BRAF: variants seen among roughly 807,000 people sequenced by gnomAD.
The protein encoded by BRAF is B-Raf proto-oncogene, serine/threonine kinase, also known as serine/threonine-protein kinase B-raf.
A neutral mutation model predicts 104.6 loss-of-function variants in BRAF; 16 were observed. The ratio of observed to expected loss-of-function variants is 0.15; its 90% CI spans 0.10 to 0.23. The LOEUF is 0.23. BRAF is among the 10% of genes least tolerant of loss of function. The probability of loss-of-function intolerance (pLI) is 1.00; values close to 1 mark genes in which losing one functional copy is unlikely to be tolerated. For synonymous variants in BRAF, 310 were observed against 341.6 expected (o/e 0.91, Z 1.02); for missense variants, 541 against 937.3 (o/e 0.58, Z 5.52).
chr7:140,725,154 C>T lies in BRAF; in HGVS notation c.*1340G>A. 1.9e-6 allele frequency: 2 copies of T among 1,042,602 alleles called. No individual in the cohort carries two copies. The highest frequency in any genetic ancestry group is 1.7e-5 in the African/African-American group (1 of 59,896). 64.6% of individuals were successfully genotyped at this position (1,042,602 alleles called of 1,614,324 possible). A position where few individuals can be genotyped will look rare whatever the true frequency, so the allele number is the denominator to read the frequency against. ...AGAAGGAGAATGAATGGAGACGCCA[C>T]CATTTTTATTTTAGGTTGCATATTC... On this transcript the variant is annotated 3_prime_UTR_variant, in exon 20 of 20. Transcript: ENST00000644969.
chr7:140,880,090 C>T (rs1044655707), intron 1 of BRAF, among the ~76,000 whole-genome samples: 4 of 152,096 alleles, frequency 2.6e-5, no homozygotes, highest in African/African-American at 9.7e-5. Flanking sequence ...CTTTTTTTCA[C>T]AAAAGATTTC....
chr7:140,882,651 T>C (rs190433436), intron 1 of BRAF, among the ~76,000 whole-genome samples: 2,299 of 151,656 alleles, frequency 0.015, 29 homozygotes, highest in Middle Eastern at 0.034. Context: ...GTGCTGGGAT[T>C]ACAGGCATGA....
intron 1 of BRAF, among the ~76,000 whole-genome samples, chr7:140,875,535 C>T (rs1170088850): frequency 6.6e-6 from 1 of 152,162 alleles, no homozygotes; most frequent in South Asian, 2.1e-4. Context: ...GCGAACACGC[C>T]TGGCTAAGTT....
chr7:140,734,302 AC>A, intron 19 of BRAF: 3 of 1,243,684 alleles, frequency 2.4e-6, no homozygotes, highest in Non-Finnish European at 3.0e-6. Context: ...GAAGTTTACT[AC>A]TTAAAATAAC....
At chr7:140,864,824 G>A (rs984013085) in intron 1 of BRAF, among the ~76,000 whole-genome samples, 9 of 152,102 alleles carry the variant, frequency 5.9e-5, no homozygotes, top group Non-Finnish European at 1.3e-4. Context: ...TTTAATCGAG[G>A]GGAGAAGAAT....
At chr7:140,737,159 TTTCTTATTATAGTAAACA>T (rs1283280504) in intron 18 of BRAF, among the ~76,000 whole-genome samples, 2 of 152,244 alleles carry the variant, frequency 1.3e-5, no homozygotes. Flanking sequence ...TTAATGTCTT[TTTCTTATTATAGTAAACA>T]TTCTTATATA....
intron 16 of BRAF, among the ~76,000 whole-genome samples, chr7:140,750,020 G>T (rs1290872838): frequency 1.3e-5 from 2 of 152,126 alleles, no homozygotes; most frequent in African/African-American, 4.8e-5. Flanking sequence ...GTAAAAGATG[G>T]TATAAAGAAT....
chr7:140,742,969 A>G (rs1318942695), intron 17 of BRAF, among the ~76,000 whole-genome samples: 2 of 152,196 alleles, frequency 1.3e-5, no homozygotes, highest in African/African-American at 2.4e-5. Context: ...AACACATGAA[A>G]AAATGCTCAC....
Position 140,794,411 on chromosome 7 carries a change from A to G in BRAF, c.1037T>C (p.Phe346Ser). 2 of 1,613,972 alleles carry G rather than the reference A, an allele frequency of 1.2e-6. No homozygotes were observed. The highest frequency in any genetic ancestry group is 1.7e-6 in the Non-Finnish European group (2 of 1,179,984). ...TCGATGATCTTCATCTGCTGGTCGG[A>G]AGGGCTGTGGAATTGGAATGGATTT... Reference protein sequence around the residue: ...PSKSIPIPQPFRPADEDHRNQ... With the variant: ...PSKSIPIPQPSRPADEDHRNQ... The change falls in exon 8 of 20, where the codon TTC (phenylalanine) becomes TCC (serine). Residue 346 changes from phenylalanine (F) to serine (S), a missense_variant. Phe to Ser is a radical substitution (Grantham distance 155, BLOSUM62 -2). Transcript: ENST00000644969.
chr7:140,895,799 A>G (rs560581277), intron 1 of BRAF, among the ~76,000 whole-genome samples: 1 of 152,284 alleles, frequency 6.6e-6, no homozygotes, highest in East Asian at 1.9e-4. Flanking sequence ...CGGATGCTAT[A>G]CAACCACATT....
intron 3 of BRAF, among the ~76,000 whole-genome samples, chr7:140,822,713 T>C (rs1805617303): frequency 6.6e-6 from 1 of 152,232 alleles, no homozygotes; most frequent in Admixed American, 6.5e-5. Context: ...TTTGGGGCTA[T>C]GACAAAGCAA....
At position 140,725,112 on chromosome 7, in the gene BRAF, G is replaced by T; in HGVS notation, c.*1382C>A. 1 of 1,042,902 alleles carries T rather than the reference G, an allele frequency of 9.6e-7. No homozygotes were observed. 64.6% of individuals were successfully genotyped at this position (1,042,902 alleles called of 1,614,324 possible). A position where few individuals can be genotyped will look rare whatever the true frequency, so the allele number is the denominator to read the frequency against. On this transcript the variant is annotated 3_prime_UTR_variant, in exon 20 of 20. Coordinates refer to ENST00000644969, the MANE Select transcript of BRAF (RefSeq NM_001374258.1). ...AAATTGCCCAACCTTTTGAAGACCA[G>T]GCTTGGGAAAAAAGGAAGAAGGAGA...
At chr7:140,875,630 G>A (rs754763431) in intron 1 of BRAF, among the ~76,000 whole-genome samples, 5 of 152,138 alleles carry the variant, frequency 3.3e-5, no homozygotes, top group South Asian at 2.1e-4. Flanking sequence ...CACCCGCCTC[G>A]GCCTTCCAAA....
intron 14 of BRAF, among the ~76,000 whole-genome samples, chr7:140,774,838 A>G (rs941944482): frequency 6.6e-6 from 1 of 152,184 alleles, no homozygotes; most frequent in Non-Finnish European, 1.5e-5. Flanking sequence ...CTGTGATGTG[A>G]GAAGGATTTG....
chr7:140,881,881 C>G (rs1446675401), intron 1 of BRAF, among the ~76,000 whole-genome samples: 1 of 152,086 alleles, frequency 6.6e-6, no homozygotes, highest in Admixed American at 6.5e-5. Flanking sequence ...AAGTTCACTG[C>G]CTTATTATGG....
chr7:140,767,224 G>A (rs1318095024), intron 14 of BRAF, among the ~76,000 whole-genome samples: 1 of 151,280 alleles, frequency 6.6e-6, no homozygotes, highest in Non-Finnish European at 1.5e-5. Context: ...GTCTGATCTT[G>A]AACTCCTGAG....
chr7:140,849,685 G>A (rs1436960458), intron 2 of BRAF, among the ~76,000 whole-genome samples: 5 of 151,898 alleles, frequency 3.3e-5, no homozygotes, highest in Non-Finnish European at 7.4e-5. Context: ...GGTAATGTGC[G>A]CCTGTAGTCC....
At position 140,801,717 on chromosome 7, in the gene BRAF, T is replaced by C. The variant is rs544152163; in HGVS notation, c.712-157A>G. ...CTATTATAAAATGAAAACCGGGGGT[T>C]CAAGATAATAGATGGACTACACATA... On this transcript the variant is annotated intron_variant, in intron 5 of 19. Coordinates refer to ENST00000644969, the MANE Select transcript of BRAF (RefSeq NM_001374258.1). 1.1e-4 allele frequency among the ~76,000 whole-genome samples: 16 copies of C among 152,248 alleles called. No individual in the cohort carries two copies. In the South Asian group the frequency reaches 1.5e-3, roughly 14 times the overall value.
chr7:140,919,983 C>CAG (rs1818042666), intron 1 of BRAF, among the ~76,000 whole-genome samples: 1 of 152,150 alleles, frequency 6.6e-6, no homozygotes, highest in Non-Finnish European at 1.5e-5. Flanking sequence ...GCTGGGACTA[C>CAG]AGGTGTGAGC....
Sources: gnomAD v4.1 joint callset for allele counts (sites outside exome capture counted in the v4.1 genomes callset) on GRCh38, gnomAD v4.1.1 for gene constraint, MANE v1.5 for transcripts, NCBI Gene and HGNC (gene_info 2026-07-23, HGNC 2026-07-21) for gene names.